MCTP2: variants seen among roughly 807,000 people sequenced by gnomAD.
MCTP2 encodes the protein multiple C2 and transmembrane domain-containing protein 2.
MCTP2 carries 132 observed loss-of-function variants against 111.6 expected under a neutral mutation model. That is an observed-to-expected ratio of 1.18 (90% CI 1.03 to 1.37). The LOEUF (loss-of-function observed/expected upper bound fraction) is 1.37, where lower values mean the gene tolerates loss of function less well. MCTP2 is among the 40% of genes most tolerant of loss of function. The pLI is 0.00. For missense variants in MCTP2, 1,183 were observed against 1,067.9 expected (o/e 1.11, Z -1.50); for synonymous variants, 395 against 387.7 (o/e 1.02, Z -0.22).
chr15:94,276,557 G>T (rs1175733281), intron 1 of MCTP2, among the ~76,000 whole-genome samples: 1 of 151,320 alleles, frequency 6.6e-6, no homozygotes, highest in African/African-American at 2.4e-5. Flanking sequence ...AAAGAACAAA[G>T]GAAAAATTAC....
intron 12 of MCTP2, among the ~76,000 whole-genome samples, chr15:94,377,884 T>C (rs569370343): frequency 6.6e-6 from 1 of 151,886 alleles, no homozygotes; most frequent in Non-Finnish European, 1.5e-5. Context: ...CACTTGAAAA[T>C]GAGGAAACAG....
At chr15:94,435,825 G>T (rs2083446567) in intron 17 of MCTP2, among the ~76,000 whole-genome samples, 1 of 149,118 alleles carries the variant, frequency 6.7e-6, no homozygotes, top group East Asian at 2.0e-4. Flanking sequence ...TAGAGACGGG[G>T]TTTCACCGTT....
In MCTP2 at chr15:94,407,992, AATGCAACACTGTTTTGAG is replaced by A. The variant is rs1264561228; in HGVS notation, c.2085+5976_2085+5993del. ...TCATTTTGCTTTGGTACAAATGACA[AATGCAACACTGTTTTGAG>A]ATTCGACTCATTAAATAATGCTGGT... is the stretch of plus-strand genomic sequence containing the variant. On this transcript the variant is annotated intron_variant, in intron 17 of 22. Coordinates refer to ENST00000357742, the MANE Select transcript of MCTP2 (RefSeq NM_001385001.1). Among the ~76,000 whole-genome samples, 4 of 152,242 alleles carry A rather than the reference AATGCAACACTGTTTTGAG, an allele frequency of 2.6e-5. No homozygotes were observed. In the East Asian group the frequency reaches 7.7e-4, roughly 29 times the overall value.
intron 1 of MCTP2, among the ~76,000 whole-genome samples, chr15:94,234,528 CAA>C (rs1424922340): frequency 6.6e-6 from 1 of 152,010 alleles, no homozygotes; most frequent in African/African-American, 2.4e-5. Flanking sequence ...CTGTTACCCT[CAA>C]AGAGTGAGAG....
At chr15:94,478,842 A>G (rs2074575791) in intron 22 of MCTP2, 124 bp from the exon 23 acceptor site, 1 of 744,074 alleles carries the variant, frequency 1.3e-6, no homozygotes, top group Non-Finnish European at 2.3e-6. Context: ...TGTGTTTAGA[A>G]AATGATTCAT....
At position 94,479,035 on chromosome 15, in the gene MCTP2, G is replaced by A; in HGVS notation, c.*1G>A. ...GCGGAAGAAGCGCAGCGCTCTCTAG[G>A]GCACACACCGACTTTGGACAGCAGC... On this transcript the variant is annotated 3_prime_UTR_variant, in exon 23 of 23. Coordinates refer to ENST00000357742, the MANE Select transcript of MCTP2 (RefSeq NM_001385001.1). 1.9e-6 allele frequency: 3 copies of A among 1,613,968 alleles called. No individual in the cohort carries two copies. Among genetic ancestry groups the A allele is most frequent in the Non-Finnish European group, 2.5e-6 (3 of 1,179,962 alleles).
intron 1 of MCTP2, among the ~76,000 whole-genome samples, chr15:94,244,282 A>G (rs1271770140): frequency 1.3e-5 from 2 of 148,620 alleles, no homozygotes; most frequent in Admixed American, 6.7e-5. Flanking sequence ...ACACATATAT[A>G]CACATACATA....
intron 1 of MCTP2, among the ~76,000 whole-genome samples, chr15:94,238,209 T>G (rs1036567433): frequency 9.2e-5 from 14 of 152,170 alleles, no homozygotes; most frequent in Non-Finnish European, 1.9e-4. Flanking sequence ...GTTGACATAG[T>G]AGAGTGAGGA....
intron 5 of MCTP2, 94 bp downstream of exon 5, chr15:94,339,526 TTC>T (rs2077528186): frequency 3.0e-6 from 3 of 985,608 alleles, no homozygotes; most frequent in South Asian, 4.8e-5. Flanking sequence ...CCAAAATTAA[TTC>T]TTTTATTAGG....
At chr15:94,339,461 C>T (rs2152402126) in intron 5 of MCTP2, 29 bp downstream of exon 5, 3 of 1,540,536 alleles carry the variant, frequency 1.9e-6, no homozygotes, top group Non-Finnish European at 2.6e-6. Flanking sequence ...CAAATCTGCT[C>T]CTTTATTAAA....
intron 14 of MCTP2, among the ~76,000 whole-genome samples, chr15:94,388,136 G>A (rs2080625520): frequency 6.6e-6 from 1 of 152,176 alleles, no homozygotes; most frequent in African/African-American, 2.4e-5. Context: ...AGAGTTTCAG[G>A]CCAGGAAGTG....
intron 1 of MCTP2, among the ~76,000 whole-genome samples, chr15:94,246,374 A>T (rs1267086614): frequency 6.6e-6 from 1 of 152,164 alleles, no homozygotes; most frequent in Non-Finnish European, 1.5e-5. Context: ...GTCTAATAGT[A>T]CCTACCTTAT....
intron 12 of MCTP2, among the ~76,000 whole-genome samples, chr15:94,371,124 T>C (rs71395769): frequency 0.089 from 12,721 of 143,660 alleles, 662 homozygotes; most frequent in South Asian, 0.11. Flanking sequence ...ATAAACTTAG[T>C]TGAAAAAAAA....
chr15:94,446,152 A>G (rs755727560), intron 19 of MCTP2, among the ~76,000 whole-genome samples: 1 of 152,174 alleles, frequency 6.6e-6, no homozygotes, highest in Non-Finnish European at 1.5e-5. Flanking sequence ...AGACTTCACA[A>G]TTTTGCCTTT....
At chr15:94,244,281 T>C (rs1431544298) in intron 1 of MCTP2, among the ~76,000 whole-genome samples, 4 of 148,238 alleles carry the variant, frequency 2.7e-5, no homozygotes, top group Admixed American at 6.7e-5. Flanking sequence ...CACACATATA[T>C]ACACATACAT....
chr15:94,438,120 T>C (rs1300113975), intron 17 of MCTP2, among the ~76,000 whole-genome samples: 1 of 152,076 alleles, frequency 6.6e-6, no homozygotes, highest in Non-Finnish European at 1.5e-5. Context: ...TATATTTGAT[T>C]ACGTAAAACC....
At chr15:94,384,231 T>A in intron 13 of MCTP2, 107 bp downstream of exon 13, 2 of 695,734 alleles carry the variant, frequency 2.9e-6, no homozygotes, top group Non-Finnish European at 4.8e-6. Flanking sequence ...TAAATTTTAT[T>A]GTTTTTTTCT....
chr15:94,255,152 T>G (rs1164882119), intron 1 of MCTP2, among the ~76,000 whole-genome samples: 1 of 152,206 alleles, frequency 6.6e-6, no homozygotes, highest in Non-Finnish European at 1.5e-5. Flanking sequence ...CTTAACACTT[T>G]GATCATATAA....
At chr15:94,463,399 T>C (rs1052701706) in intron 20 of MCTP2, among the ~76,000 whole-genome samples, 88 of 152,346 alleles carry the variant, frequency 5.8e-4, no homozygotes, top group African/African-American at 2.0e-3. Flanking sequence ...TTTCATTTTC[T>C]ACCTGTTACT....
Sources: allele counts gnomAD v4.1 joint callset (sites outside exome capture counted in the v4.1 genomes callset), GRCh38; gene constraint gnomAD v4.1.1; transcripts MANE v1.5; gene names NCBI Gene and HGNC (gene_info 2026-07-23, HGNC 2026-07-21).